CREBRF: variants seen among roughly 807,000 people sequenced by gnomAD.
CREBRF encodes the protein UPF0474 protein C5orf41.
In CREBRF, 5 loss-of-function variants were observed where a neutral mutation model predicts 66.1. The ratio of observed to expected loss-of-function variants is 0.08; its 90% CI spans 0.04 to 0.16. The LOEUF (loss-of-function observed/expected upper bound fraction) is 0.16, where lower values mean the gene tolerates loss of function less well. Among genes scored for constraint, CREBRF ranks in the 10% least tolerant of loss-of-function variants. CREBRF has a pLI of 1.00. For missense variants in CREBRF, 531 were observed against 744.9 expected, an observed-to-expected ratio of 0.71 and a Z score of 3.34; for synonymous variants, 229 against 264.4, an observed-to-expected ratio of 0.87 and a Z score of 1.30.
Position 173,091,327 on chromosome 5 carries a change from A to G in CREBRF, c.1148A>G (p.Glu383Gly). The G allele has an allele frequency of 1.9e-6, 3 of 1,612,720 alleles. No homozygotes were observed. The highest frequency in any genetic ancestry group is 2.5e-6 in the Non-Finnish European group (3 of 1,179,018). ...FGSEHELSEN[E>G]EEEEEEEDYE... ...AGTGAGCATGAACTGTCTGAAAATG[A>G]GGAGGAGGAAGAAGAGGAAGAGGAT... The change falls in exon 4 of 9, where the codon GAG becomes GGG. Residue 383 changes from glutamate to glycine, a missense_variant. Physicochemically the swap from Glu to Gly is moderately conservative, Grantham distance 98. Around this residue, in one of 5 missense-constraint regions of CREBRF, gnomAD observed 309 missense variants for 341.4 expected, o/e 0.90. Coordinates refer to ENST00000296953, the MANE Select transcript of CREBRF (RefSeq NM_153607.3).
intron 4 of CREBRF, among the ~76,000 whole-genome samples, chr5:173,106,072 T>C (rs1758741646): frequency 6.6e-6 from 1 of 152,140 alleles, no homozygotes; most frequent in African/African-American, 2.4e-5. Flanking sequence ...TATTCTAATA[T>C]AGTTTTTAAA....
chr5:173,065,497 G>A (rs1443434308), intron 1 of CREBRF, among the ~76,000 whole-genome samples: 1 of 151,982 alleles, frequency 6.6e-6, no homozygotes, highest in East Asian at 1.9e-4. Context: ...TTCCCCTAGT[G>A]TTCCATTTTT....
At chr5:173,066,606 GA>G (rs990294902) in intron 1 of CREBRF, among the ~76,000 whole-genome samples, 1 of 152,012 alleles carries the variant, frequency 6.6e-6, no homozygotes, top group Non-Finnish European at 1.5e-5. Flanking sequence ...TATCACCACA[GA>G]AAGTTCCTCA....
intron 4 of CREBRF, among the ~76,000 whole-genome samples, chr5:173,107,523 A>G (rs1758775428): frequency 6.6e-6 from 1 of 152,238 alleles, no homozygotes; most frequent in African/African-American, 2.4e-5. Flanking sequence ...ATAGCTTTCA[A>G]TAAAATATTA....
At chr5:173,065,209 G>A (rs552806384) in intron 1 of CREBRF, among the ~76,000 whole-genome samples, 1 of 152,262 alleles carries the variant, frequency 6.6e-6, no homozygotes, top group South Asian at 2.1e-4. Flanking sequence ...AAAAAGTGGT[G>A]TTTGAACTTA....
chr5:173,079,526 C>T (rs1045148457), intron 1 of CREBRF, among the ~76,000 whole-genome samples: 6 of 150,318 alleles, frequency 4.0e-5, no homozygotes, highest in African/African-American at 1.5e-4. Context: ...CTAGCCCAGA[C>T]AATGTGCTGA....
intron 8 of CREBRF, 124 bp downstream of exon 8, chr5:173,123,326 C>T: frequency 1.2e-6 from 1 of 809,250 alleles, no homozygotes; most frequent in Non-Finnish European, 1.9e-6. Context: ...TAATTACTCT[C>T]CTTTATGAGT....
At chr5:173,085,411 T>TTC in intron 2 of CREBRF, 1 of 952,958 alleles carries the variant, frequency 1.0e-6, no homozygotes. Context: ...GTCAAATACA[T>TTC]TCTTTTTTTT....
rs1453716156 is a variant in CREBRF at position 173,134,476 on chromosome 5, T to G, written c.*731T>G. On this transcript the variant is annotated 3_prime_UTR_variant, in exon 9 of 9. Coordinates refer to ENST00000296953, the MANE Select transcript of CREBRF (RefSeq NM_153607.3). ...TTTTTTGTTCCAACTCTTTTTCAGA[T>G]TTTTTGAATGTATATAGGACTATGT... The G allele has an allele frequency of 9.1e-6, 2 of 218,618 alleles. No individual in the cohort carries two copies. Among genetic ancestry groups the G allele is most frequent in the East Asian group, 3.0e-4 (2 of 6,706 alleles). 13.5% of individuals were successfully genotyped at this position (218,618 alleles called of 1,614,324 possible).
chr5:173,065,539 A>G (rs1319448720), intron 1 of CREBRF, among the ~76,000 whole-genome samples: 3 of 152,006 alleles, frequency 2.0e-5, no homozygotes, highest in Non-Finnish European at 2.9e-5. Context: ...ATGTGTTGGT[A>G]CTAAAGTACC....
At chr5:173,073,410 A>G (rs1012021323) in intron 1 of CREBRF, among the ~76,000 whole-genome samples, 1 of 152,220 alleles carries the variant, frequency 6.6e-6, no homozygotes, top group Non-Finnish European at 1.5e-5. Flanking sequence ...GGGTTTAGAA[A>G]TGTACTTTAA....
At chr5:173,096,965 G>A (rs1196416779) in intron 4 of CREBRF, among the ~76,000 whole-genome samples, 1 of 152,084 alleles carries the variant, frequency 6.6e-6, no homozygotes, top group Non-Finnish European at 1.5e-5. Flanking sequence ...ACTTCATCAT[G>A]ATGTATGATC....
At chr5:173,095,345 C>T (rs935442978) in intron 4 of CREBRF, among the ~76,000 whole-genome samples, 4 of 151,740 alleles carry the variant, frequency 2.6e-5, no homozygotes, top group Admixed American at 1.3e-4. Context: ...CCCGCCACCA[C>T]GCCCAGCTAA....
intron 1 of CREBRF, among the ~76,000 whole-genome samples, chr5:173,061,663 T>G (rs888729375): frequency 6.6e-6 from 1 of 152,206 alleles, no homozygotes; most frequent in Non-Finnish European, 1.5e-5. Context: ...TATTCAAATA[T>G]GCAGTTAATT....
At chr5:173,094,701 T>G (rs141147322) in intron 4 of CREBRF, among the ~76,000 whole-genome samples, 2 of 152,360 alleles carry the variant, frequency 1.3e-5, no homozygotes, top group Non-Finnish European at 2.9e-5. Flanking sequence ...ATGTATGGTT[T>G]GCAGATATTT....
At chr5:173,060,377 T>A (rs1055935091) in intron 1 of CREBRF, 1 of 151,856 alleles carries the variant, frequency 6.6e-6, no homozygotes, top group African/African-American at 2.4e-5. Flanking sequence ...ATTACAGGCG[T>A]GCACCGCTAT....
In CREBRF at chr5:173,082,837, G is replaced by C. The variant is rs568855407; in HGVS notation, c.9+2053G>C. On this transcript the variant is annotated intron_variant, in intron 2 of 8. Coordinates refer to ENST00000296953, the MANE Select transcript of CREBRF (RefSeq NM_153607.3). Reference sequence around the variant, plus strand: ...GGCGGGAGAATCGCATGAACCCTGCGGGGGGAGGTTGCAGTGAGCCAAGAT... The same window carrying C: ...GGCGGGAGAATCGCATGAACCCTGCCGGGGGAGGTTGCAGTGAGCCAAGAT... Among the ~76,000 whole-genome samples, 483 of 141,008 alleles carry C rather than the reference G, an allele frequency of 3.4e-3. 2 individuals are homozygous for C. Among genetic ancestry groups the C allele is most frequent in the Non-Finnish European group, 6.0e-3 (392 of 65,826 alleles). 92.5% of individuals were successfully genotyped at this position (141,008 alleles called of 152,430 possible).
chr5:173,102,428 G>A (rs552595241), intron 4 of CREBRF, among the ~76,000 whole-genome samples: 1 of 152,242 alleles, frequency 6.6e-6, no homozygotes, highest in East Asian at 1.9e-4. Context: ...GAAGGGCTCT[G>A]CAGGCAAGTT....
At chr5:173,087,417 G>C (rs1207649829) in intron 3 of CREBRF, among the ~76,000 whole-genome samples, 1 of 152,058 alleles carries the variant, frequency 6.6e-6, no homozygotes, top group Non-Finnish European at 1.5e-5. Context: ...GCAGCTGTTG[G>C]CTGGGCATGG....
Sources: gnomAD v4.1 joint callset for allele counts (sites outside exome capture counted in the v4.1 genomes callset) on GRCh38, gnomAD v4.1.1 for gene constraint, gnomAD v4.1.1 regional missense constraint, MANE v1.5 for transcripts, NCBI Gene and HGNC (gene_info 2026-07-23, HGNC 2026-07-21) for gene names.